Variants in SP100 observed in about 807,000 individuals in gnomAD.
The protein encoded by SP100 is SP100 nuclear body protein.
In SP100, 84 loss-of-function variants were observed where a neutral mutation model predicts 130.0. The ratio of observed to expected loss-of-function variants is 0.65; its 90% confidence interval spans 0.54 to 0.77. SP100 has a LOEUF of 0.77. SP100 is among the 30% of genes least tolerant of loss of function. The pLI, the probability that SP100 is intolerant of heterozygous loss-of-function variation, is 0.00. For synonymous variants in SP100, 331 were observed against 351.7 expected (o/e 0.94, Z 0.66); for missense variants, 978 against 1,052.2 (o/e 0.93, Z 0.97).
intron 24 of SP100, among the ~76,000 whole-genome samples, chr2:230,527,739 C>T (rs1691498316): frequency 6.6e-6 from 1 of 152,006 alleles, no homozygotes; most frequent in Non-Finnish European, 1.5e-5. Context: ...ATCTACGAAG[C>T]AAATGGAAAG....
chr2:230,508,219 G>T lies in SP100; in HGVS notation c.2052+188G>T, dbSNP rs1367496337. ...CCAGGGCTCCTTTGAACATCAAAACGTTTGAGATAGAGGTGGGAACAATCC... is the reference window on the plus strand; with the variant it reads ...CCAGGGCTCCTTTGAACATCAAAACTTTTGAGATAGAGGTGGGAACAATCC... On this transcript the variant is annotated intron_variant, in intron 23 of 28. Transcript: ENST00000340126. 4 of 801,502 alleles carry T rather than the reference G, an allele frequency of 5.0e-6. No homozygotes were observed. The African/African-American group carries it at 5.4e-5, about 11-fold the overall frequency. The allele number at this position is 801,502 out of a possible 1,614,324, so 49.6% of individuals were successfully genotyped here. A position where few individuals can be genotyped will look rare whatever the true frequency, so the allele number is the denominator to read the frequency against.
chr2:230,530,881 G>A (rs771490519), intron 24 of SP100, among the ~76,000 whole-genome samples: 71 of 152,186 alleles, frequency 4.7e-4, no homozygotes, highest in Non-Finnish European at 7.4e-4. Flanking sequence ...ACCATCTCAC[G>A]CCAGGTAGAA....
intron 21 of SP100, 67 bp from the exon 22 acceptor site, chr2:230,506,236 A>G: frequency 6.3e-7 from 1 of 1,579,756 alleles, no homozygotes. Context: ...CCCAGACCCC[A>G]GCATGGGGGG....
chr2:230,503,329 G>A (rs2067141388), intron 20 of SP100, among the ~76,000 whole-genome samples: 4 of 152,136 alleles, frequency 2.6e-5, no homozygotes, highest in South Asian at 4.1e-4. Flanking sequence ...CCTGAGCAAT[G>A]TGCACGTTCT....
intron 15 of SP100, chr2:230,473,058 C>G (rs147808717): frequency 3.6e-4 from 108 of 299,534 alleles, no homozygotes; most frequent in Non-Finnish European, 5.5e-4. Flanking sequence ...CATCTTTTTC[C>G]CTAAAACCAG....
rs1051558488 is a variant in SP100 at position 230,503,079 on chromosome 2, C to T, written c.1734C>T (p.Asn578=). 2.5e-6 allele frequency: 4 copies of T among 1,603,674 alleles called. No individual in the cohort carries two copies. The African/African-American group carries it at 5.4e-5, about 22-fold the overall frequency. The stretch of plus-strand genomic sequence containing the variant: ...CAACTTTCTCAGGAAGAAAAGCCAA[C>T]ACTAGACCTTTGAAAAGAAGAAGAA... The part of the protein sequence containing the change: ...KRWQQRGRKA[N]TRPLKRRRKR... Residue 578 remains asparagine, a synonymous_variant, in exon 20 of 29, where the codon AAC becomes AAT. Transcript: ENST00000340126.
At chr2:230,457,156 G>T (rs2064317166) in intron 8 of SP100, among the ~76,000 whole-genome samples, 1 of 152,214 alleles carries the variant, frequency 6.6e-6, no homozygotes, top group Non-Finnish European at 1.5e-5. Flanking sequence ...AGGCTAGTCT[G>T]GTGCCTAGGA....
chr2:230,488,470 G>A (rs2066229040), intron 17 of SP100, among the ~76,000 whole-genome samples: 1 of 152,162 alleles, frequency 6.6e-6, no homozygotes, highest in Non-Finnish European at 1.5e-5. Flanking sequence ...CTGAAGTGCA[G>A]TGGCATGATC....
chr2:230,513,134 C>T (rs909527187), intron 24 of SP100, among the ~76,000 whole-genome samples: 1 of 152,182 alleles, frequency 6.6e-6, no homozygotes, highest in Non-Finnish European at 1.5e-5. Context: ...GTCCTTATCC[C>T]GGAAGTTGGA....
chr2:230,476,246 C>A (rs1276635499), intron 17 of SP100, among the ~76,000 whole-genome samples: 2 of 152,166 alleles, frequency 1.3e-5, no homozygotes, highest in Non-Finnish European at 2.9e-5. Context: ...TTGTAGATAT[C>A]TTTCACCTCC....
At chr2:230,509,705 G>A (rs1032300237) in intron 23 of SP100, 2 of 152,146 alleles carry the variant, frequency 1.3e-5, no homozygotes, top group Non-Finnish European at 2.9e-5. Flanking sequence ...CGTGGTAACT[G>A]CTATTGTTGC....
intron 17 of SP100, among the ~76,000 whole-genome samples, chr2:230,481,665 C>G (rs1040450848): frequency 2.0e-5 from 3 of 152,104 alleles, no homozygotes; most frequent in African/African-American, 7.2e-5. Context: ...GGTTTTCAGT[C>G]GAACCTAGAA....
At chr2:230,430,778 G>A (rs1227978473) in intron 2 of SP100, among the ~76,000 whole-genome samples, 1 of 152,236 alleles carries the variant, frequency 6.6e-6, no homozygotes, top group Non-Finnish European at 1.5e-5. Context: ...CATTGAGAGA[G>A]GTCATTGGCT....
At chr2:230,459,812 A>G (rs1032316286) in intron 8 of SP100, among the ~76,000 whole-genome samples, 2 of 152,204 alleles carry the variant, frequency 1.3e-5, no homozygotes, top group African/African-American at 4.8e-5. Context: ...TCAAGTCTGC[A>G]CTTCAGTTGA....
At chr2:230,471,865 G>A (rs1386480936) in intron 15 of SP100, among the ~76,000 whole-genome samples, 1 of 152,162 alleles carries the variant, frequency 6.6e-6, no homozygotes, top group East Asian at 1.9e-4. Context: ...AATATTCCAG[G>A]TAGGGGAATT....
At chr2:230,470,356 T>C in intron 15 of SP100, 2 of 1,125,260 alleles carry the variant, frequency 1.8e-6, no homozygotes, top group Non-Finnish European at 2.2e-6. Context: ...AGCAAATTTG[T>C]GGTATTCTTT....
chr2:230,446,384 C>T (rs1214464625), intron 4 of SP100, among the ~76,000 whole-genome samples: 1 of 152,192 alleles, frequency 6.6e-6, no homozygotes, highest in Non-Finnish European at 1.5e-5. Context: ...GCTGTGATTA[C>T]AGGTGTGAGC....
chr2:230,510,976 C>T, intron 23 of SP100, 149 bp from the exon 24 acceptor site: 1 of 674,594 alleles, frequency 1.5e-6, no homozygotes. Flanking sequence ...TTTTATTCTT[C>T]AGTTAGATGT....
At position 230,510,519 on chromosome 2, in the gene SP100, T is replaced by C. The variant is rs1299252610; in HGVS notation, c.2053-606T>C. On this transcript the variant is annotated intron_variant, in intron 23 of 28. Transcript: ENST00000340126. The stretch of plus-strand genomic sequence containing the variant: ...TTTTTTTTTTTTTTTTTTTTTTTTT[T>C]TTTTTTTTTTTTTACAGAGTCTAGC... 40 of 63,858 alleles carry C rather than the reference T, an allele frequency of 6.3e-4. 1 individual carries two copies. Among genetic ancestry groups the C allele is most frequent in the African/African-American group, 2.1e-3 (40 of 18,870 alleles). 4.0% of individuals were successfully genotyped at this position (63,858 alleles called of 1,614,324 possible). A position where few individuals can be genotyped will look rare whatever the true frequency, so the allele number is the denominator to read the frequency against.
Sources: allele counts gnomAD v4.1 joint callset (sites outside exome capture counted in the v4.1 genomes callset), GRCh38; gene constraint gnomAD v4.1.1; transcripts MANE v1.5; gene names NCBI Gene and HGNC (gene_info 2026-07-23, HGNC 2026-07-21).